DISP3: variants seen among roughly 807,000 people sequenced by gnomAD.
The protein encoded by DISP3 is dispatched RND transporter family member 3.
In DISP3, 101 loss-of-function variants were observed where a neutral mutation model predicts 135.3. That is an observed-to-expected ratio of 0.75 (90% CI 0.64 to 0.88). The LOEUF (loss-of-function observed/expected upper bound fraction) is 0.88. Ranked by LOEUF, DISP3 falls within the 40% of genes least tolerant of loss-of-function variation. The pLI, the probability that DISP3 is intolerant of heterozygous loss-of-function variation, is 0.00. For synonymous variants in DISP3, 856 were observed against 817.0 expected, an observed-to-expected ratio of 1.05 and a Z score of -0.81; for missense variants, 1,713 against 1,878.6, an observed-to-expected ratio of 0.91 and a Z score of 1.63.
chr1:11,501,508 C>A lies in DISP3; in HGVS notation c.516C>A (p.Pro172=). 1.2e-6 allele frequency: 2 copies of A among 1,605,670 alleles called. No homozygotes were observed. The highest frequency in any genetic ancestry group is 1.7e-6 in the Non-Finnish European group (2 of 1,175,902). ...GCTCGCGGCAAGCCTCCCGAGCCCC[C>A]CGCGTCATCCCCGCGGCCTCACTCG... ...GNRSRQASRA[P]RVIPAASLGG... is the part of the protein sequence containing the mutation. Residue 172 remains proline (P), a synonymous_variant, in exon 2 of 21, where the codon CCC becomes CCA. Coordinates refer to ENST00000294484, the MANE Select transcript of DISP3 (RefSeq NM_020780.2). This position sits in a 1 kb window ranked among gnomAD's most constrained non-coding sequence, Gnocchi z 4.9.
Position 11,519,596 on chromosome 1 carries a change from C to A in DISP3, c.2038+93C>A. On this transcript the variant is annotated intron_variant, in intron 8 of 20. Coordinates refer to ENST00000294484, the MANE Select transcript of DISP3 (RefSeq NM_020780.2). This position sits in a 1 kb window ranked among gnomAD's most constrained non-coding sequence, Gnocchi z 4.3. ...AACACTTGACAAGTTGGTCCTGAGG[C>A]TGGGGGCCGGACAAGATGGCCTGTG... 1 of 1,574,760 alleles carries A rather than the reference C, an allele frequency of 6.4e-7. No homozygotes were observed. The highest frequency in any genetic ancestry group is 1.2e-5 in the South Asian group (1 of 86,600).
At chr1:11,525,060 G>C in intron 11 of DISP3, 116 bp from the exon 12 acceptor site, 1 of 1,309,616 alleles carries the variant, frequency 7.6e-7, no homozygotes, top group Non-Finnish European at 1.1e-6. Context: ...TTTGAGATGA[G>C]CCCAAGGCCA....
At position 11,531,481 on chromosome 1, in the gene DISP3, G is replaced by A; in HGVS notation, c.3230-84G>A. On this transcript the variant is annotated intron_variant, in intron 16 of 20. Coordinates refer to ENST00000294484, the MANE Select transcript of DISP3 (RefSeq NM_020780.2). The surrounding 1 kb of genome is among the most constrained non-coding windows in gnomAD (Gnocchi z 5.2). ...CAAGCACTCTAAGCCTCAGAGGTAT[G>A]TGAGTGCGTGGGCACAGGTGTGATG... 1 of 1,579,590 alleles carries A rather than the reference G, an allele frequency of 6.3e-7. No homozygotes were observed. Among genetic ancestry groups the A allele is most frequent in the Non-Finnish European group, 8.7e-7 (1 of 1,151,688 alleles).
intron 13 of DISP3, among the ~76,000 whole-genome samples, chr1:11,528,220 T>C (rs927526704): frequency 1.5e-4 from 23 of 152,170 alleles, no homozygotes; most frequent in African/African-American, 4.8e-4. Context: ...CCTGTTGTAT[T>C]CACTTGCCAC....
At chr1:11,488,825 C>T (rs1641108203) in intron 1 of DISP3, among the ~76,000 whole-genome samples, 1 of 152,142 alleles carries the variant, frequency 6.6e-6, no homozygotes, top group African/African-American at 2.4e-5. Context: ...CAAATAAGTC[C>T]CTTCACTTCC....
chr1:11,535,980 C>T (rs1217031961), intron 20 of DISP3, among the ~76,000 whole-genome samples: 3 of 152,166 alleles, frequency 2.0e-5, no homozygotes, highest in East Asian at 1.9e-4. Context: ...TGCTCCAGCC[C>T]CTGGTGGCTT....
In DISP3 at chr1:11,491,005, G is replaced by C. The variant is rs187615531; in HGVS notation, c.-3-9985G>C. 6.6e-6 allele frequency among the ~76,000 whole-genome samples: 1 copy of C among 152,306 alleles called. No homozygotes were observed. Among genetic ancestry groups the C allele is most frequent in the East Asian group, 1.9e-4 (1 of 5,186 alleles). On this transcript the variant is annotated intron_variant, in intron 1 of 20. Coordinates refer to ENST00000294484, the MANE Select transcript of DISP3 (RefSeq NM_020780.2). The surrounding 1 kb of genome is among the most constrained non-coding windows in gnomAD (Gnocchi z 4.3). ...CCCTACCAAGAAGAGCTATTTGGCA[G>C]ATCTGGGTGTGCTGTTTGTATCCCC...
rs766972446 is a variant in DISP3, at chr1:11,534,430, G to A, written c.3425G>A (p.Arg1142His). The A allele has an allele frequency of 1.2e-5, 19 of 1,614,188 alleles. No homozygotes were observed. The East Asian group carries it at 2.7e-4, about 23-fold the overall frequency. ...SSFQTYSDYL[R>H]WESFLQQQLQ... is the part of the protein sequence containing the mutation. ...TTCCAGACCTACTCGGACTACCTGC[G>A]CTGGGAGAGCTTCCTCCAGCAGCAG... is the stretch of plus-strand genomic sequence containing the variant. The change falls in exon 18 of 21, where the codon CGC becomes CAC. Residue 1142 changes from arginine to histidine, a missense_variant. By Grantham distance (29) the Arg-to-His change is conservative. Transcript: ENST00000294484.
intron 3 of DISP3, among the ~76,000 whole-genome samples, chr1:11,514,100 C>A (rs2100448161): frequency 6.6e-6 from 1 of 152,316 alleles, no homozygotes; most frequent in East Asian, 1.9e-4. Context: ...TAATTGATCA[C>A]AATCTGCGTA....
chr1:11,510,918 AG>A (rs1431177531), intron 3 of DISP3, among the ~76,000 whole-genome samples: 4 of 152,240 alleles, frequency 2.6e-5, no homozygotes, highest in Admixed American at 6.5e-5. Context: ...GAATCATGGC[AG>A]GAGGCAAAAG....
chr1:11,501,717 T>C lies in DISP3; in HGVS notation c.725T>C (p.Val242Ala), dbSNP rs750442957. ...YQPSIPPHAA[V>A]AANQSRARRG... ...CCCAGCATCCCGCCCCACGCGGCAG[T>C]CGCGGCCAATCAGAGCCGTGCCCGC... Residue 242 changes from valine to alanine, a missense_variant, in exon 2 of 21, where the codon GTC becomes GCC. By Grantham distance (64) the Val-to-Ala change is moderately conservative (BLOSUM62 0). Around this residue, in one of 2 missense-constraint regions of DISP3, gnomAD observed 571 missense variants for 494.1 expected, o/e 1.16. Transcript: ENST00000294484. This position sits in a 1 kb window ranked among gnomAD's most constrained non-coding sequence, Gnocchi z 4.9. The C allele has an allele frequency of 3.1e-6, 5 of 1,597,774 alleles. No individual in the cohort carries two copies. Among genetic ancestry groups the C allele is most frequent in the Non-Finnish European group, 4.3e-6 (5 of 1,172,132 alleles).
chr1:11,536,845 T>C lies in DISP3; in HGVS notation c.*159T>C, dbSNP rs1642718476. 1 of 1,015,554 alleles carries C rather than the reference T, an allele frequency of 9.8e-7. No homozygotes were observed. The highest frequency in any genetic ancestry group is 3.0e-5 in the Admixed American group (1 of 33,476). 62.9% of individuals were successfully genotyped at this position (1,015,554 alleles called of 1,614,324 possible). On this transcript the variant is annotated 3_prime_UTR_variant, in exon 21 of 21. Coordinates refer to ENST00000294484, the MANE Select transcript of DISP3 (RefSeq NM_020780.2). The surrounding 1 kb of genome is among the most constrained non-coding windows in gnomAD (Gnocchi z 4.3). The stretch of plus-strand genomic sequence containing the variant: ...ACACCCACACAGATGGTGTGGACCA[T>C]GCTGCCTTGTGGAGCTGGGAGTTGG...
intron 13 of DISP3, among the ~76,000 whole-genome samples, chr1:11,527,345 C>G (rs556627870): frequency 2.6e-5 from 4 of 152,162 alleles, no homozygotes; most frequent in Non-Finnish European, 5.9e-5. Context: ...GTCAGCCGAT[C>G]GAGACCATCC....
In DISP3 at chr1:11,528,129, A is replaced by C. The variant is rs147168312; in HGVS notation, c.2798+1294A>C. ...CTTCCTTGACAAGGCACTCACCCAC[A>C]CTCTAAATATATCATTAATTCAGAA... is the stretch of plus-strand genomic sequence containing the variant. On this transcript the variant is annotated intron_variant, in intron 13 of 20. Transcript: ENST00000294484. Among the ~76,000 whole-genome samples, 469 of 151,812 alleles carry C rather than the reference A, an allele frequency of 3.1e-3. 3 individuals are homozygous for C. The highest frequency in any genetic ancestry group is 0.011 in the African/African-American group (448 of 41,372).
At chr1:11,493,924 C>G (rs1641259059) in intron 1 of DISP3, among the ~76,000 whole-genome samples, 1 of 152,194 alleles carries the variant, frequency 6.6e-6, no homozygotes, top group Admixed American at 6.5e-5. Context: ...CCTGAGTTGC[C>G]ACCTGCTGAA....
At chr1:11,510,319 T>C (rs1254618201) in intron 3 of DISP3, among the ~76,000 whole-genome samples, 3 of 152,206 alleles carry the variant, frequency 2.0e-5, no homozygotes, top group Admixed American at 2.0e-4. Context: ...TTGTTGGCTT[T>C]TATGTTGTAA....
intron 1 of DISP3, among the ~76,000 whole-genome samples, chr1:11,489,624 A>C (rs1251695818): frequency 6.6e-6 from 1 of 152,200 alleles, no homozygotes; most frequent in Non-Finnish European, 1.5e-5. Context: ...CTGACTGAGA[A>C]TCAGAGGCAG....
chr1:11,525,914 A>G (rs537861725), intron 12 of DISP3, among the ~76,000 whole-genome samples: 4 of 151,962 alleles, frequency 2.6e-5, no homozygotes, highest in African/African-American at 9.7e-5. Flanking sequence ...GGCTCAAGCG[A>G]TCCTCTCTCA....
chr1:11,525,463 C>G (rs533768403), intron 12 of DISP3, 151 bp downstream of exon 12: 4 of 1,035,640 alleles, frequency 3.9e-6, no homozygotes, highest in Non-Finnish European at 5.3e-6. Context: ...ATGTCTGTGA[C>G]AGGGACCTGC....
Sources: gnomAD v4.1 joint callset for allele counts (sites outside exome capture counted in the v4.1 genomes callset) on GRCh38, gnomAD v4.1.1 for gene constraint, gnomAD v4.1.1 regional missense constraint, Gnocchi (gnomAD v3.1) non-coding constraint, MANE v1.5 for transcripts, NCBI Gene and HGNC (gene_info 2026-07-23, HGNC 2026-07-21) for gene names.